The following ADAMTS17 variants were observed in gnomAD, a reference collection of about 807,000 sequenced individuals.
The protein encoded by ADAMTS17 is A disintegrin and metalloproteinase with thrombospondin motifs 17.
ADAMTS17 carries 113 observed loss-of-function variants against 141.5 expected under a neutral mutation model. That is an observed-to-expected ratio of 0.80 (90% CI 0.69 to 0.93). The LOEUF (loss-of-function observed/expected upper bound fraction) is 0.93, where lower values mean the gene tolerates loss of function less well. Among genes scored for constraint, ADAMTS17 ranks in the 40% least tolerant of loss-of-function variants. ADAMTS17 has a pLI of 0.00. For synonymous variants in ADAMTS17, 768 were observed against 630.6 expected (o/e 1.22, Z -3.27); for missense variants, 1,659 against 1,517.9 (o/e 1.09, Z -1.54).
intron 4 of ADAMTS17, among the ~76,000 whole-genome samples, chr15:100,266,968 A>C (rs1160675019): frequency 6.6e-6 from 1 of 152,204 alleles, no homozygotes; most frequent in Non-Finnish European, 1.5e-5. Context: ...ATCTGAGTAG[A>C]ATCAGTCAAT....
chr15:100,144,488 C>T (rs867840413), intron 10 of ADAMTS17, among the ~76,000 whole-genome samples: 6 of 151,792 alleles, frequency 4.0e-5, no homozygotes, highest in Non-Finnish European at 7.4e-5. Flanking sequence ...AGGCGGATAT[C>T]GCAGTGAGCC....
chr15:100,219,956 C>T (rs2042081794), intron 7 of ADAMTS17, among the ~76,000 whole-genome samples: 1 of 152,110 alleles, frequency 6.6e-6, no homozygotes, highest in Non-Finnish European at 1.5e-5. Flanking sequence ...CATCTGTTAC[C>T]CCACAACAAT....
intron 18 of ADAMTS17, among the ~76,000 whole-genome samples, chr15:100,045,930 G>A (rs981353475): frequency 6.6e-6 from 1 of 152,074 alleles, no homozygotes; most frequent in African/African-American, 2.4e-5. Flanking sequence ...ACCAAGGCTG[G>A]AGTGCAGTGG....
chr15:100,156,027 A>G (rs962102991), intron 8 of ADAMTS17, among the ~76,000 whole-genome samples: 1 of 152,220 alleles, frequency 6.6e-6, no homozygotes, highest in Non-Finnish European at 1.5e-5. Context: ...CCCAACGTGT[A>G]TAAGGATGAC....
intron 7 of ADAMTS17, among the ~76,000 whole-genome samples, chr15:100,240,870 A>G (rs1192251824): frequency 1.3e-5 from 2 of 152,074 alleles, no homozygotes; most frequent in African/African-American, 4.8e-5. Context: ...CTGTTGCCCA[A>G]GCTGGAGTGC....
Position 100,196,006 on chromosome 15 carries a change from A to G in ADAMTS17, c.1181+3312T>C, listed in dbSNP as rs147988815. 9.8e-5 allele frequency among the ~76,000 whole-genome samples: 15 copies of G among 152,374 alleles called. No individual in the cohort carries two copies. In the East Asian group the frequency reaches 2.9e-3, roughly 29 times the overall value. On this transcript the variant is annotated intron_variant, in intron 8 of 21. Coordinates refer to ENST00000268070, the MANE Select transcript of ADAMTS17 (RefSeq NM_139057.4). ...CTCATAGGACTGACTCAATGGCGTG[A>G]TAAACACACAGCATCTCACACAGTA... is the stretch of plus-strand genomic sequence containing the variant.
intron 4 of ADAMTS17, among the ~76,000 whole-genome samples, chr15:100,280,870 T>C (rs902200567): frequency 6.6e-6 from 1 of 152,172 alleles, no homozygotes; most frequent in East Asian, 1.9e-4. Flanking sequence ...TTGGAATTTG[T>C]TCCCCCCGCT....
chr15:100,211,090 ACT>A (rs1204789258), intron 7 of ADAMTS17, among the ~76,000 whole-genome samples: 1 of 145,116 alleles, frequency 6.9e-6, no homozygotes, highest in African/African-American at 2.5e-5. Flanking sequence ...ATAGAGCGAG[ACT>A]CAGTCTCAAA....
At chr15:100,257,324 T>C (rs550722692) in intron 6 of ADAMTS17, among the ~76,000 whole-genome samples, 1 of 152,328 alleles carries the variant, frequency 6.6e-6, no homozygotes, top group South Asian at 2.1e-4. Flanking sequence ...TATACAAGGC[T>C]TCCTGGCCAA....
chr15:100,137,298 G>A (rs1361452649), intron 10 of ADAMTS17, among the ~76,000 whole-genome samples: 2 of 152,194 alleles, frequency 1.3e-5, no homozygotes, highest in African/African-American at 4.8e-5. Context: ...GGTGCACTGG[G>A]GTGGGAGCTG....
intron 3 of ADAMTS17, among the ~76,000 whole-genome samples, chr15:100,320,475 A>G (rs1022238019): frequency 1.3e-5 from 2 of 152,222 alleles, no homozygotes; most frequent in African/African-American, 4.8e-5. Flanking sequence ...AACACAGTAC[A>G]ATAGTATCTT....
intron 15 of ADAMTS17, among the ~76,000 whole-genome samples, chr15:100,080,408 G>C (rs1308313260): frequency 1.4e-5 from 2 of 147,978 alleles, no homozygotes; most frequent in East Asian, 3.9e-4. Context: ...AGTATGCATG[G>C]AATACAGGAG....
At chr15:100,183,134 A>T (rs2040584059) in intron 8 of ADAMTS17, among the ~76,000 whole-genome samples, 1 of 152,080 alleles carries the variant, frequency 6.6e-6, no homozygotes, top group African/African-American at 2.4e-5. Context: ...GATTACAGGC[A>T]TGCACCACAA....
At chr15:100,158,795 T>C (rs960144681) in intron 8 of ADAMTS17, among the ~76,000 whole-genome samples, 2 of 152,236 alleles carry the variant, frequency 1.3e-5, no homozygotes, top group Non-Finnish European at 2.9e-5. Context: ...ACAACCCAGT[T>C]AAAAATGGGC....
chr15:100,215,465 CCTT>C (rs2041942109), intron 7 of ADAMTS17, among the ~76,000 whole-genome samples: 1 of 152,106 alleles, frequency 6.6e-6, no homozygotes, highest in South Asian at 2.1e-4. Flanking sequence ...GACCGATTCT[CCTT>C]CATTATCTGA....
rs564924150 is a variant in ADAMTS17 at position 100,148,413 on chromosome 15, T to C, written c.1473+4199A>G. Among the ~76,000 whole-genome samples the C allele has an allele frequency of 6.6e-5, 10 of 152,340 alleles. 1 individual carries two copies. In the East Asian group the frequency reaches 1.5e-3, roughly 23 times the overall value. On this transcript the variant is annotated intron_variant, in intron 10 of 21. Transcript: ENST00000268070. ...AGAAGATTTCCTTTAATATTTCTTA[T>C]AATGTGGGCCTCTTGGTGATACATT...
chr15:100,015,526 G>GACT (rs1177032605), intron 18 of ADAMTS17, among the ~76,000 whole-genome samples: 1 of 152,146 alleles, frequency 6.6e-6, no homozygotes, highest in Non-Finnish European at 1.5e-5. Flanking sequence ...TCAAGATTTA[G>GACT]AGCTCCTTTG....
intron 8 of ADAMTS17, among the ~76,000 whole-genome samples, chr15:100,191,783 A>G (rs1462035949): frequency 6.6e-6 from 1 of 152,142 alleles, no homozygotes; most frequent in African/African-American, 2.4e-5. Flanking sequence ...TTTGTGTGAG[A>G]GAAAGGGAGA....
chr15:100,279,601 G>C (rs1234851896), intron 4 of ADAMTS17, among the ~76,000 whole-genome samples: 1 of 152,208 alleles, frequency 6.6e-6, no homozygotes, highest in East Asian at 1.9e-4. Context: ...ACTCACTGTG[G>C]CCAGAGCTAA....
Sources: gnomAD v4.1 joint callset for allele counts (sites outside exome capture counted in the v4.1 genomes callset) on GRCh38, gnomAD v4.1.1 for gene constraint, MANE v1.5 for transcripts, NCBI Gene and HGNC (gene_info 2026-07-23, HGNC 2026-07-21) for gene names.